The following WWP2 variants were observed in gnomAD, a reference collection of about 807,000 sequenced individuals.
WWP2 encodes the protein NEDD4-like E3 ubiquitin-protein ligase WWP2.
A neutral mutation model predicts 121.0 loss-of-function variants in WWP2; 57 were observed. The ratio of observed to expected loss-of-function variants is 0.47; its 90% CI spans 0.38 to 0.59. The LOEUF is 0.59. Among genes scored for constraint, WWP2 ranks in the 20% least tolerant of loss-of-function variants. The pLI, the probability that WWP2 is intolerant of heterozygous loss-of-function variation, is 0.00. For missense variants in WWP2, 962 were observed against 1,158.9 expected (o/e 0.83, Z 2.47); for synonymous variants, 449 against 441.3 (o/e 1.02, Z -0.22).
chr16:69,872,500 C>T (rs2057659797), intron 7 of WWP2, among the ~76,000 whole-genome samples: 1 of 152,228 alleles, frequency 6.6e-6, no homozygotes, highest in Admixed American at 6.5e-5. Context: ...CAGACGTGAG[C>T]CACTGCGCCT....
At chr16:69,835,852 G>A (rs893718720) in intron 4 of WWP2, among the ~76,000 whole-genome samples, 5 of 151,260 alleles carry the variant, frequency 3.3e-5, no homozygotes, top group African/African-American at 1.2e-4. Flanking sequence ...GCCCAGGCTG[G>A]AATGTGGTGG....
At chr16:69,822,039 G>A (rs1050568483) in intron 4 of WWP2, among the ~76,000 whole-genome samples, 1 of 151,754 alleles carries the variant, frequency 6.6e-6, no homozygotes, top group South Asian at 2.1e-4. Flanking sequence ...CAGCTTTTTT[G>A]TATTTTTTGT....
chr16:69,872,221 CTT>C (rs542156678), intron 7 of WWP2, among the ~76,000 whole-genome samples: 221 of 146,452 alleles, frequency 1.5e-3, no homozygotes, highest in Non-Finnish European at 2.3e-3. Flanking sequence ...AAAGAAATGT[CTT>C]TTTTTTTTTT....
chr16:69,874,390 T>C (rs907343112), intron 7 of WWP2, among the ~76,000 whole-genome samples: 2 of 152,170 alleles, frequency 1.3e-5, no homozygotes, highest in African/African-American at 2.4e-5. Flanking sequence ...AAGATGGTGG[T>C]GGTGGGGAGC....
chr16:69,895,078 C>T (rs1030228845), intron 8 of WWP2: 2 of 152,272 alleles, frequency 1.3e-5, no homozygotes, highest in Admixed American at 1.3e-4. Context: ...CTCTACCCCC[C>T]TGCCCAATTA....
intron 4 of WWP2, chr16:69,838,847 T>G: frequency 1.0e-6 from 1 of 985,270 alleles, no homozygotes; most frequent in Non-Finnish European, 1.2e-6. Context: ...GAAGAGAGAT[T>G]AAGGGAAGGT....
intron 7 of WWP2, among the ~76,000 whole-genome samples, chr16:69,873,026 G>T (rs1018612486): frequency 6.6e-6 from 1 of 152,214 alleles, no homozygotes; most frequent in Admixed American, 6.5e-5. Flanking sequence ...GGATGTAGAT[G>T]TTTCGCTTGG....
At chr16:69,778,090 T>TATATATATATATAC (rs1192880134) in intron 1 of WWP2, among the ~76,000 whole-genome samples, 4 of 108,872 alleles carry the variant, frequency 3.7e-5, no homozygotes, top group Middle Eastern at 6.7e-3. Context: ...TATATATATA[T>TATATATATATATAC]ACACACACAC....
intron 4 of WWP2, among the ~76,000 whole-genome samples, chr16:69,808,466 A>G (rs559846656): frequency 6.6e-6 from 1 of 152,048 alleles, no homozygotes; most frequent in East Asian, 1.9e-4. Flanking sequence ...CAATGGTGCA[A>G]TCTTGGCTCA....
chr16:69,780,370 AT>A (rs1297319050), intron 1 of WWP2, among the ~76,000 whole-genome samples: 2 of 150,830 alleles, frequency 1.3e-5, no homozygotes, highest in African/African-American at 5.0e-5. Context: ...CAATTTATCC[AT>A]TCCCCCATTG....
At chr16:69,875,184 T>C (rs2057714312) in intron 7 of WWP2, among the ~76,000 whole-genome samples, 1 of 152,246 alleles carries the variant, frequency 6.6e-6, no homozygotes, top group East Asian at 1.9e-4. Context: ...TCCCAGTGCA[T>C]ATAAAAGTTA....
intron 6 of WWP2, among the ~76,000 whole-genome samples, chr16:69,857,098 C>G (rs1016634805): frequency 2.0e-5 from 3 of 151,868 alleles, no homozygotes; most frequent in Admixed American, 1.3e-4. Context: ...CTTTGACTAA[C>G]TTTCCACTTT....
Position 69,888,058 on chromosome 16 carries a change from A to G in WWP2, c.723A>G (p.Thr241=). ...ANGTVNDEPT[T]ATDPEEPSVV... Reference sequence around the variant, plus strand: ...CTTCAGTGAATGATGAACCCACAACAGCCACTGATCCCGAAGAACCTTCCG... The same window carrying G: ...CTTCAGTGAATGATGAACCCACAACGGCCACTGATCCCGAAGAACCTTCCG... Residue 241 remains threonine, a synonymous_variant, in exon 8 of 24, where the codon ACA becomes ACG. Coordinates refer to ENST00000359154, the MANE Select transcript of WWP2 (RefSeq NM_001270454.2). 6.2e-7 allele frequency: 1 copy of G among 1,614,262 alleles called. No homozygotes were observed. The highest frequency in any genetic ancestry group is 8.5e-7 in the Non-Finnish European group (1 of 1,180,052).
chr16:69,795,207 G>T (rs1334517486), intron 2 of WWP2, among the ~76,000 whole-genome samples: 2 of 151,890 alleles, frequency 1.3e-5, no homozygotes, highest in Non-Finnish European at 1.5e-5. Flanking sequence ...CTGCACTCCA[G>T]CCGGTCTACA....
chr16:69,872,106 C>G (rs1466708274), intron 7 of WWP2, among the ~76,000 whole-genome samples, 175 bp downstream of exon 7: 1 of 152,214 alleles, frequency 6.6e-6, no homozygotes, highest in South Asian at 2.1e-4. Context: ...TCTTCTCTCT[C>G]TGGCATATTC....
rs1484241975 is a variant in WWP2, at chr16:69,940,092, G to A, written c.*152G>A. The A allele has an allele frequency of 3.1e-6, 2 of 647,654 alleles. No homozygotes were observed. Among genetic ancestry groups the A allele is most frequent in the African/African-American group, 3.7e-5 (2 of 54,764 alleles). 40.1% of individuals were successfully genotyped at this position (647,654 alleles called of 1,614,324 possible). ...CATCTCGCTGCTGGCAGAAAAGCCT[G>A]ATCCCAGGAGGCCCTGCAGTTCCCC... On this transcript the variant is annotated 3_prime_UTR_variant, in exon 24 of 24. Coordinates refer to ENST00000359154, the MANE Select transcript of WWP2 (RefSeq NM_001270454.2).
chr16:69,848,578 A>G (rs888595033), intron 6 of WWP2, among the ~76,000 whole-genome samples: 2 of 144,584 alleles, frequency 1.4e-5, no homozygotes, highest in African/African-American at 5.0e-5. Context: ...TTGAGGCTAT[A>G]GTGAGCCAAG....
chr16:69,791,322 A>G (rs1013699974), intron 2 of WWP2, among the ~76,000 whole-genome samples: 4 of 151,714 alleles, frequency 2.6e-5, no homozygotes, highest in African/African-American at 9.7e-5. Context: ...CTGCCTCCCA[A>G]GTTCAAGCAA....
intron 4 of WWP2, among the ~76,000 whole-genome samples, chr16:69,828,365 T>G (rs1030778759): frequency 6.6e-6 from 1 of 152,096 alleles, no homozygotes; most frequent in Admixed American, 6.6e-5. Context: ...CTATTATTAA[T>G]TTTTTATTAA....
Sources: allele counts gnomAD v4.1 joint callset (sites outside exome capture counted in the v4.1 genomes callset), GRCh38; gene constraint gnomAD v4.1.1; transcripts MANE v1.5; gene names NCBI Gene and HGNC (gene_info 2026-07-23, HGNC 2026-07-21).